The following PHF21A variants were observed in gnomAD, a reference collection of about 807,000 sequenced individuals.
PHF21A encodes PHD finger protein 21A, also known as BHC80a.
PHF21A carries 11 observed loss-of-function variants against 82.5 expected under a neutral mutation model. The ratio of observed to expected loss-of-function variants is 0.13; its 90% CI spans 0.08 to 0.22. The LOEUF (loss-of-function observed/expected upper bound fraction) is 0.22. PHF21A is among the 10% of genes least tolerant of loss of function. The probability of loss-of-function intolerance (pLI) is 1.00; values close to 1 mark genes in which losing one functional copy is unlikely to be tolerated. For missense variants in PHF21A, 579 were observed against 837.8 expected (o/e 0.69, Z 3.81); for synonymous variants, 297 against 302.8 (o/e 0.98, Z 0.20).
intron 6 of PHF21A, among the ~76,000 whole-genome samples, chr11:46,000,618 C>T (rs2095088808): frequency 6.6e-6 from 1 of 152,102 alleles, no homozygotes; most frequent in South Asian, 2.1e-4. Context: ...TGAAACATTC[C>T]TATTAAGATA....
chr11:46,058,604 C>A (rs755830357), intron 6 of PHF21A, among the ~76,000 whole-genome samples: 1 of 152,096 alleles, frequency 6.6e-6, no homozygotes, highest in Non-Finnish European at 1.5e-5. Context: ...AAATGACTGA[C>A]CCTAAACATG....
intron 1 of PHF21A, among the ~76,000 whole-genome samples, chr11:46,096,442 C>T (rs1008169160): frequency 1.3e-5 from 2 of 152,120 alleles, no homozygotes; most frequent in African/African-American, 4.8e-5. Flanking sequence ...AGGGCCTTTG[C>T]CTCCCTCCAT....
chr11:46,080,411 A>T (rs2096776560), intron 4 of PHF21A, among the ~76,000 whole-genome samples: 1 of 152,026 alleles, frequency 6.6e-6, no homozygotes, highest in Admixed American at 6.6e-5. Context: ...CTCCCGCCTC[A>T]GCCTCCCAAA....
intron 6 of PHF21A, among the ~76,000 whole-genome samples, chr11:46,037,338 A>G (rs1192227283): frequency 1.3e-5 from 2 of 152,280 alleles, no homozygotes; most frequent in East Asian, 3.9e-4. Flanking sequence ...CTTCAGGCCT[A>G]TTGATAAAAA....
At chr11:46,001,226 C>T (rs1489774215) in intron 6 of PHF21A, among the ~76,000 whole-genome samples, 1 of 151,552 alleles carries the variant, frequency 6.6e-6, no homozygotes, top group Non-Finnish European at 1.5e-5. Flanking sequence ...GGTAGAGAAT[C>T]TGAAGGGAAT....
intron 6 of PHF21A, among the ~76,000 whole-genome samples, chr11:46,002,308 T>C (rs879539917): frequency 1.3e-5 from 2 of 152,238 alleles, no homozygotes; most frequent in Non-Finnish European, 2.9e-5. Flanking sequence ...CATTTGTTAC[T>C]ATATTTGGCC....
At chr11:46,033,632 A>G (rs1253502880) in intron 6 of PHF21A, among the ~76,000 whole-genome samples, 1 of 152,194 alleles carries the variant, frequency 6.6e-6, no homozygotes, top group African/African-American at 2.4e-5. Context: ...TGTCTGTAAG[A>G]GTGTCTTTAA....
At chr11:46,062,673 G>A (rs1448227702) in intron 6 of PHF21A, among the ~76,000 whole-genome samples, 1 of 152,072 alleles carries the variant, frequency 6.6e-6, no homozygotes, top group African/African-American at 2.4e-5. Flanking sequence ...ATTTAAGATT[G>A]AAGCGCTAAG....
At chr11:45,996,338 A>C (rs750223852) in intron 6 of PHF21A, among the ~76,000 whole-genome samples, 1 of 152,190 alleles carries the variant, frequency 6.6e-6, no homozygotes, top group Non-Finnish European at 1.5e-5. Context: ...TCTATATTAC[A>C]ATTAGATCAC....
chr11:46,045,384 A>T (rs2096241767), intron 6 of PHF21A, among the ~76,000 whole-genome samples: 1 of 152,226 alleles, frequency 6.6e-6, no homozygotes, highest in African/African-American at 2.4e-5. Flanking sequence ...ATATAAAAAT[A>T]CATAGTCAAA....
chr11:46,015,546 A>G (rs2095499668), intron 6 of PHF21A, among the ~76,000 whole-genome samples: 1 of 152,144 alleles, frequency 6.6e-6, no homozygotes, highest in Non-Finnish European at 1.5e-5. Flanking sequence ...TATAAAGTTT[A>G]ATTTTTAAAC....
At chr11:46,019,319 T>C (rs1007676699) in intron 6 of PHF21A, among the ~76,000 whole-genome samples, 4 of 152,214 alleles carry the variant, frequency 2.6e-5, no homozygotes, top group African/African-American at 4.8e-5. Context: ...TTAAGTATCA[T>C]GTCAAATGAA....
Position 46,029,587 on chromosome 11 carries a change from C to G in PHF21A, c.153+47167G>C, listed in dbSNP as rs1237325005. On this transcript the variant is annotated intron_variant, in intron 6 of 18. Transcript: ENST00000676320. ...TCTGTAATCCCAGCTACTTGGGAAGCTGAGGCAGGAGAATCACTTGAACCC... is the reference window on the plus strand; with the variant it reads ...TCTGTAATCCCAGCTACTTGGGAAGGTGAGGCAGGAGAATCACTTGAACCC... Among the ~76,000 whole-genome samples, 3 of 151,286 alleles carry G rather than the reference C, an allele frequency of 2.0e-5. No homozygotes were observed. In the East Asian group the frequency reaches 5.8e-4, roughly 29 times the overall value.
chr11:45,988,144 G>A (rs2094558765), intron 6 of PHF21A, among the ~76,000 whole-genome samples: 1 of 152,142 alleles, frequency 6.6e-6, no homozygotes, highest in South Asian at 2.1e-4. Context: ...CAAGCCCTAG[G>A]TACCATTTGA....
At chr11:45,953,384 A>C in intron 11 of PHF21A, 143 bp downstream of exon 11, 1 of 648,374 alleles carries the variant, frequency 1.5e-6, no homozygotes, top group Non-Finnish European at 2.8e-6. Context: ...CTGACTTGGC[A>C]ATAACATTGC....
At position 45,965,403 on chromosome 11, in the gene PHF21A, T is replaced by G. The variant is rs2135934148; in HGVS notation, c.908A>C (p.Gln303Pro). ...ATIAKTFPMA[Q>P]LTSIVIATPG... is the part of the protein sequence containing the mutation. ...AGTAGCTATCACAATGCTGGTGAGC[T>G]GGGCCATGGGGAACGTTTTGGCTAT... The change falls in exon 10 of 19, where the codon CAG (glutamine) becomes CCG (proline). Residue 303 changes from glutamine to proline, a missense_variant. Physicochemically the swap from Gln to Pro is moderately conservative, Grantham distance 76. Around this residue, in one of 3 missense-constraint regions of PHF21A, gnomAD observed 410 missense variants for 642.1 expected, o/e 0.64. Coordinates refer to ENST00000676320, the MANE Select transcript of PHF21A (RefSeq NM_001352027.3). 3.7e-6 allele frequency: 6 copies of G among 1,614,096 alleles called. No individual in the cohort carries two copies. Among genetic ancestry groups the G allele is most frequent in the Non-Finnish European group, 5.1e-6 (6 of 1,180,008 alleles).
chr11:46,102,395 T>C (rs905282187), intron 1 of PHF21A, among the ~76,000 whole-genome samples: 3 of 152,248 alleles, frequency 2.0e-5, no homozygotes, highest in Non-Finnish European at 4.4e-5. Flanking sequence ...TCTGCTACTT[T>C]GCAACTATCA....
rs537264587 is a variant in PHF21A, at chr11:46,103,189, C to T, written c.-236-10966G>A. Among the ~76,000 whole-genome samples the T allele has an allele frequency of 4.6e-5, 7 of 152,296 alleles. 1 individual carries two copies. The South Asian group carries it at 8.3e-4, about 18-fold the overall frequency. The stretch of plus-strand genomic sequence containing the variant: ...ATAATTCTTTAACTCAACCCCCAAA[C>T]GCTTGTAGAATCTCTTTCTAACACA... On this transcript the variant is annotated intron_variant, in intron 1 of 18. Transcript: ENST00000676320.
intron 1 of PHF21A, among the ~76,000 whole-genome samples, chr11:46,093,903 T>A (rs1162979096): frequency 1.3e-5 from 2 of 152,138 alleles, no homozygotes; most frequent in African/African-American, 4.8e-5. Context: ...GATTAGGAAG[T>A]AAAATATTAC....
Sources: gnomAD v4.1 joint callset for allele counts (sites outside exome capture counted in the v4.1 genomes callset) on GRCh38, gnomAD v4.1.1 for gene constraint, gnomAD v4.1.1 regional missense constraint, MANE v1.5 for transcripts, NCBI Gene and HGNC (gene_info 2026-07-23, HGNC 2026-07-21) for gene names.